Variants in NAV2 observed in about 807,000 individuals in gnomAD.
NAV2 encodes neuron navigator 2.
A neutral mutation model predicts 223.2 loss-of-function variants in NAV2; 54 were observed. The observed-to-expected ratio is 0.24, with a 90% CI of 0.19 to 0.30. The LOEUF (loss-of-function observed/expected upper bound fraction) is 0.30. NAV2 is among the 10% of genes least tolerant of loss of function. The pLI is 1.00. For missense variants in NAV2, 2,806 were observed against 3,147.5 expected (o/e 0.89, Z 2.60); for synonymous variants, 1,279 against 1,239.3 (o/e 1.03, Z -0.67).
At chr11:19,948,554 G>A (rs1405736562) in intron 9 of NAV2, 137 bp from the exon 10 acceptor site, 1 of 817,778 alleles carries the variant, frequency 1.2e-6, no homozygotes. Context: ...AAGCACATCA[G>A]GTGGTACATG....
intron 1 of NAV2, among the ~76,000 whole-genome samples, chr11:19,728,066 A>T (rs976266953): frequency 1.3e-5 from 2 of 152,118 alleles, no homozygotes; most frequent in African/African-American, 4.8e-5. Flanking sequence ...TGACTGAGAG[A>T]TGATGTTTTG....
At chr11:19,529,481 GC>G (rs1021327258) in intron 1 of NAV2, among the ~76,000 whole-genome samples, 1 of 151,194 alleles carries the variant, frequency 6.6e-6, no homozygotes, top group African/African-American at 2.4e-5. Context: ...GTTGAGACCC[GC>G]CCCACCCCAT....
intron 4 of NAV2, among the ~76,000 whole-genome samples, chr11:19,873,523 G>A (rs1223219770): frequency 2.6e-5 from 4 of 152,170 alleles, no homozygotes; most frequent in Admixed American, 1.3e-4. Flanking sequence ...CAGGTGGAAG[G>A]AGTGTATGCT....
At chr11:19,930,486 T>C (rs759865902) in intron 6 of NAV2, among the ~76,000 whole-genome samples, 1 of 152,200 alleles carries the variant, frequency 6.6e-6, no homozygotes, top group Non-Finnish European at 1.5e-5. Context: ...AAGGACAGTG[T>C]TGCAACCTGC....
rs1405932998 is a variant in NAV2, at chr11:19,713,750, C to A, written c.55C>A (p.His19Asn). ...KMKSGLPKPV[H>N]SAAPILHVPP... The stretch of plus-strand genomic sequence containing the variant: ...GAAGTCGGGACTGCCCAAACCCGTG[C>A]ACAGCGCCGCGCCCATCCTGCACGT... Residue 19 changes from histidine (H) to asparagine (N), a missense_variant, in exon 1 of 38, where the codon CAC (histidine) becomes AAC (asparagine). This residue lies in a region of NAV2 where 1,167 missense variants were observed against 1,180.5 expected (regional missense o/e 0.99). Transcript: ENST00000349880. The surrounding 1 kb of genome is among the most constrained non-coding windows in gnomAD (Gnocchi z 7.2). The A allele has an allele frequency of 1.9e-6, 3 of 1,611,540 alleles. No homozygotes were observed. The highest frequency in any genetic ancestry group is 2.5e-6 in the Non-Finnish European group (3 of 1,178,960).
At chr11:19,646,508 G>A (rs1235479225) in intron 1 of NAV2, among the ~76,000 whole-genome samples, 3 of 152,168 alleles carry the variant, frequency 2.0e-5, no homozygotes, top group African/African-American at 7.2e-5. Flanking sequence ...CATCTGAGCT[G>A]AGGGCGTGTG....
chr11:19,909,349 G>C (rs1041183464), intron 6 of NAV2, among the ~76,000 whole-genome samples: 1 of 152,120 alleles, frequency 6.6e-6, no homozygotes, highest in East Asian at 1.9e-4. Context: ...GAGCATTGAC[G>C]CAGGTAACTG....
At chr11:19,447,694 C>A (rs1017511218) in intron 1 of NAV2, among the ~76,000 whole-genome samples, 1 of 152,166 alleles carries the variant, frequency 6.6e-6, no homozygotes, top group Non-Finnish European at 1.5e-5. Flanking sequence ...GGGCAGAGAC[C>A]GTATCTCTTT....
intron 3 of NAV2, among the ~76,000 whole-genome samples, chr11:19,863,579 CA>C (rs1331518513): frequency 6.6e-6 from 1 of 152,080 alleles, no homozygotes; most frequent in East Asian, 1.9e-4. Context: ...GCAAAGCAGA[CA>C]AAAAACCCTA....
intron 11 of NAV2, among the ~76,000 whole-genome samples, chr11:20,023,699 G>GGTGGGTGGGTGGGT (rs1554902315): frequency 1.4e-5 from 2 of 144,572 alleles, no homozygotes; most frequent in South Asian, 2.3e-4. Flanking sequence ...CAAATTGCTG[G>GGTGGGTGGGTGGGT]GTGTGTGTGT....
At chr11:19,612,180 TC>T (rs2135340326) in intron 1 of NAV2, among the ~76,000 whole-genome samples, 1 of 152,266 alleles carries the variant, frequency 6.6e-6, no homozygotes, top group African/African-American at 2.4e-5. Context: ...GGGTGCCAAG[TC>T]CCTAGGCTGC....
In NAV2 at chr11:19,879,960, C is replaced by G. The variant is rs371613686; in HGVS notation, c.603C>G (p.His201Gln). ...KQQQQQPQKQ[H>Q]LSSPLPPAVS... The stretch of plus-strand genomic sequence containing the variant: ...AGCAGCAGCAGCCCCAGAAGCAGCA[C>G]CTCTCCTCACCTCTGCCGCCCGCCG... Residue 201 changes from histidine to glutamine, a missense_variant, in exon 5 of 38, where the codon CAC becomes CAG. Around this residue, in one of 4 missense-constraint regions of NAV2, gnomAD observed 1,167 missense variants for 1,180.5 expected, o/e 0.99. Coordinates refer to ENST00000349880, the MANE Select transcript of NAV2 (RefSeq NM_145117.5). 1.9e-6 allele frequency: 3 copies of G among 1,613,412 alleles called. No homozygotes were observed. The highest frequency in any genetic ancestry group is 2.5e-6 in the Non-Finnish European group (3 of 1,179,884).
At chr11:20,031,496 T>C (rs2055732201) in intron 11 of NAV2, among the ~76,000 whole-genome samples, 1 of 152,142 alleles carries the variant, frequency 6.6e-6, no homozygotes, top group Admixed American at 6.5e-5. Context: ...TTAGTTAGCA[T>C]GAGTATGCCA....
chr11:19,792,259 T>A (rs2057574071), intron 1 of NAV2, among the ~76,000 whole-genome samples: 1 of 152,182 alleles, frequency 6.6e-6, no homozygotes, highest in Non-Finnish European at 1.5e-5. Flanking sequence ...ATGGGTCCCT[T>A]TGCCTCTCCC....
intron 3 of NAV2, among the ~76,000 whole-genome samples, chr11:19,854,225 G>GT (rs1368766974): frequency 2.0e-5 from 3 of 152,016 alleles, no homozygotes; most frequent in Non-Finnish European, 4.4e-5. Context: ...TATATGTGTT[G>GT]TTTTTTTAAA....
intron 1 of NAV2, among the ~76,000 whole-genome samples, chr11:19,777,272 C>A (rs936869128): frequency 6.6e-6 from 1 of 151,530 alleles, no homozygotes; most frequent in Non-Finnish European, 1.5e-5. Flanking sequence ...GGGTAGGGTC[C>A]CCGCGCGCAG....
At chr11:19,979,832 AGAAATTGCGCT>A (rs1265987786) in intron 10 of NAV2, among the ~76,000 whole-genome samples, 2 of 152,326 alleles carry the variant, frequency 1.3e-5, no homozygotes, top group East Asian at 3.9e-4. Flanking sequence ...TTAAACTAGA[AGAAATTGCGCT>A]GAAATGCGAC....
chr11:19,395,160 T>C (rs906940632), intron 1 of NAV2, among the ~76,000 whole-genome samples: 3 of 152,240 alleles, frequency 2.0e-5, no homozygotes, highest in African/African-American at 7.2e-5. Flanking sequence ...CCTGTGAGCA[T>C]GTGCCCATGT....
At chr11:20,056,098 TG>T (rs1294386045) in intron 19 of NAV2, 141 bp downstream of exon 19, 1 of 743,888 alleles carries the variant, frequency 1.3e-6, no homozygotes. Context: ...CCACCTACTC[TG>T]GGGGTCAGGG....
Sources: allele counts gnomAD v4.1 joint callset (sites outside exome capture counted in the v4.1 genomes callset), GRCh38; gene constraint gnomAD v4.1.1; regional missense constraint gnomAD v4.1.1; non-coding constraint Gnocchi (gnomAD v3.1); transcripts MANE v1.5; gene names NCBI Gene and HGNC (gene_info 2026-07-23, HGNC 2026-07-21).